Variants in FAM124A observed in about 807,000 individuals in gnomAD.
FAM124A encodes family with sequence similarity 124 member A.
A neutral mutation model predicts 24.5 loss-of-function variants in FAM124A; 23 were observed. That is an observed-to-expected ratio of 0.94 (90% confidence interval 0.68 to 1.33). FAM124A has a LOEUF of 1.33. Among genes scored for constraint, FAM124A ranks in the 40% most tolerant of loss-of-function variants. The pLI, the probability that FAM124A is intolerant of heterozygous loss-of-function variation, is 0.00. For missense variants in FAM124A, 623 were observed against 722.8 expected (o/e 0.86, Z 1.58); for synonymous variants, 287 against 314.7 (o/e 0.91, Z 0.93).
At chr13:51,252,309 T>A in intron 3 of FAM124A, 108 bp downstream of exon 3, 59 of 1,379,390 alleles carry the variant, frequency 4.3e-5, no homozygotes, top group Non-Finnish European at 5.3e-5. Context: ...GAAGGAGAGA[T>A]CAGTGACCCT....
At chr13:51,276,041 T>C (rs1316421166) in intron 3 of FAM124A, among the ~76,000 whole-genome samples, 1 of 152,118 alleles carries the variant, frequency 6.6e-6, no homozygotes, top group Non-Finnish European at 1.5e-5. Flanking sequence ...GCATGAGGTG[T>C]TTGGGAGCAT....
intron 2 of FAM124A, chr13:51,245,343 C>G: frequency 2.9e-6 from 2 of 695,932 alleles, no homozygotes; most frequent in Non-Finnish European, 5.3e-6. Flanking sequence ...TGCCATGTTG[C>G]CTGTTCCTTT....
intron 2 of FAM124A, among the ~76,000 whole-genome samples, chr13:51,244,274 A>G (rs1223823624): frequency 1.3e-5 from 2 of 152,158 alleles, no homozygotes; most frequent in Admixed American, 1.3e-4. Flanking sequence ...TGTCTGTAGG[A>G]CTTAGCTACC....
At chr13:51,245,778 A>C (rs972204569) in intron 2 of FAM124A, among the ~76,000 whole-genome samples, 7 of 152,210 alleles carry the variant, frequency 4.6e-5, no homozygotes, top group Non-Finnish European at 1.0e-4. Flanking sequence ...TGAAAGATTA[A>C]ATGAGATAGT....
At chr13:51,223,203 T>G (rs1355621463) in intron 1 of FAM124A, among the ~76,000 whole-genome samples, 2 of 152,010 alleles carry the variant, frequency 1.3e-5, no homozygotes, top group African/African-American at 2.4e-5. Context: ...GCCTTTTTTT[T>G]TTTTTAATAT....
intron 3 of FAM124A, chr13:51,253,293 T>C (rs1954644176): frequency 6.6e-6 from 1 of 152,230 alleles, no homozygotes; most frequent in Non-Finnish European, 1.5e-5. Flanking sequence ...TGAAATGAAG[T>C]CAGAATTTGG....
intron 2 of FAM124A, among the ~76,000 whole-genome samples, chr13:51,244,197 A>G (rs1042684362): frequency 1.6e-4 from 24 of 152,162 alleles, no homozygotes; most frequent in African/African-American, 5.3e-4. Context: ...TTATTCCGTC[A>G]ATGGTAAATT....
intron 1 of FAM124A, among the ~76,000 whole-genome samples, chr13:51,225,932 A>AGGAGGAGAAAAGATGATAATCT (rs1954310502): frequency 6.9e-6 from 1 of 144,892 alleles, no homozygotes; most frequent in South Asian, 2.4e-4. Context: ...GGGAAGGAGA[A>AGGAGGAGAAAAGATGATAATCT]GGAGGAGAAA....
chr13:51,222,456 G>A lies in FAM124A; in HGVS notation c.-46G>A. 1 of 1,192,908 alleles carries A rather than the reference G, an allele frequency of 8.4e-7. No individual in the cohort carries two copies. Among genetic ancestry groups the A allele is most frequent in the Admixed American group, 4.5e-5 (1 of 22,162 alleles). The allele number at this position is 1,192,908 out of a possible 1,614,324, so 73.9% of individuals were successfully genotyped here. A position where few individuals can be genotyped will look rare whatever the true frequency, so the allele number is the denominator to read the frequency against. ...GGGCGGCCGGGAGGGAGGGCGCCCC[G>A]GGTCACGACGGCGCCCGCAAGCCGA... On this transcript the variant is annotated 5_prime_UTR_variant, in exon 1 of 4. Transcript: ENST00000322475.
chr13:51,269,196 G>A (rs1217980842), intron 3 of FAM124A, among the ~76,000 whole-genome samples: 1 of 152,018 alleles, frequency 6.6e-6, no homozygotes, highest in Non-Finnish European at 1.5e-5. Context: ...CCAAACTGTT[G>A]GAAATGATGT....
chr13:51,274,956 G>A (rs1053971471), intron 3 of FAM124A, among the ~76,000 whole-genome samples: 1 of 152,172 alleles, frequency 6.6e-6, no homozygotes, highest in Non-Finnish European at 1.5e-5. Context: ...GAGAATGATA[G>A]GGACCTAAAG....
At chr13:51,253,234 G>C (rs969900048) in intron 3 of FAM124A, 1 of 152,174 alleles carries the variant, frequency 6.6e-6, no homozygotes, top group African/African-American at 2.4e-5. Flanking sequence ...AAGTTTCATC[G>C]TTTTTGTTGG....
rs1391515249 is a variant in FAM124A at position 51,272,847 on chromosome 13, G to A, written c.835-7603G>A. Among the ~76,000 whole-genome samples, 2 of 152,230 alleles carry A rather than the reference G, an allele frequency of 1.3e-5. No individual in the cohort carries two copies. The highest frequency in any genetic ancestry group is 4.8e-5 in the African/African-American group (2 of 41,464). Reference sequence around the variant, plus strand: ...CCTGCCCAGGCAGGAGGCTGAGGGAGTCCCCTCTCGGGAGAACTGGGAGGC... The same window carrying A: ...CCTGCCCAGGCAGGAGGCTGAGGGAATCCCCTCTCGGGAGAACTGGGAGGC... On this transcript the variant is annotated intron_variant, in intron 3 of 3. Transcript: ENST00000322475. The surrounding 1 kb of genome is among the most constrained non-coding windows in gnomAD (Gnocchi z 4.2).
intron 3 of FAM124A, among the ~76,000 whole-genome samples, chr13:51,261,541 A>G (rs1954738297): frequency 7.5e-6 from 1 of 133,704 alleles, no homozygotes. Context: ...ATTTTCTTTT[A>G]GGAAAAAAGA....
intron 3 of FAM124A, among the ~76,000 whole-genome samples, chr13:51,264,712 T>A (rs187608923): frequency 1.3e-5 from 2 of 152,342 alleles, no homozygotes; most frequent in East Asian, 3.9e-4. Flanking sequence ...AATTCTAGTT[T>A]ATGGATTTTA....
rs1316155819 is a variant in FAM124A, at chr13:51,251,537, A to C, written c.170A>C (p.Glu57Ala). Residue 57 changes from glutamate to alanine, a missense_variant, in exon 3 of 4, where the codon GAG (glutamate) becomes GCG (alanine). Physicochemically the swap from Glu to Ala is moderately radical, Grantham distance 107. Coordinates refer to ENST00000322475, the MANE Select transcript of FAM124A (RefSeq NM_001242312.2). This position sits in a 1 kb window ranked among gnomAD's most constrained non-coding sequence, Gnocchi z 5.3. Reference protein sequence around the residue: ...VSIHIIADPGESQPLQEAIDN... With the variant: ...VSIHIIADPGASQPLQEAIDN... ...ATCCACATAATCGCAGACCCAGGGG[A>C]GTCCCAGCCCCTGCAGGAGGCCATC... 1 of 1,520,114 alleles carries C rather than the reference A, an allele frequency of 6.6e-7. No homozygotes were observed. 94.2% of individuals were successfully genotyped at this position (1,520,114 alleles called of 1,614,324 possible). A position where few individuals can be genotyped will look rare whatever the true frequency, so the allele number is the denominator to read the frequency against.
At chr13:51,263,630 T>C (rs1209218223) in intron 3 of FAM124A, among the ~76,000 whole-genome samples, 1 of 152,218 alleles carries the variant, frequency 6.6e-6, no homozygotes, top group Non-Finnish European at 1.5e-5. Flanking sequence ...CCAATCCCCT[T>C]TGAGAAGGAA....
intron 3 of FAM124A, among the ~76,000 whole-genome samples, chr13:51,277,712 T>G (rs1381870191): frequency 6.6e-6 from 1 of 152,132 alleles, no homozygotes; most frequent in Non-Finnish European, 1.5e-5. Context: ...AAGAATCACT[T>G]GAACCCAGCA....
At chr13:51,225,639 G>T (rs1367819955) in intron 1 of FAM124A, among the ~76,000 whole-genome samples, 2 of 152,184 alleles carry the variant, frequency 1.3e-5, no homozygotes, top group African/African-American at 4.8e-5. Flanking sequence ...ATGCTACTGA[G>T]AAACTAATGA....
Sources: allele counts gnomAD v4.1 joint callset (sites outside exome capture counted in the v4.1 genomes callset), GRCh38; gene constraint gnomAD v4.1.1; non-coding constraint Gnocchi (gnomAD v3.1); transcripts MANE v1.5; gene names NCBI Gene and HGNC (gene_info 2026-07-23, HGNC 2026-07-21).